CYP2C18: variants seen among roughly 807,000 people sequenced by gnomAD.
The protein encoded by CYP2C18 is cytochrome P450 family 2 subfamily C member 18.
Under a neutral mutation model 41.3 loss-of-function variants are expected in CYP2C18, and 38 were observed. The observed-to-expected ratio is 0.92, with a 90% confidence interval of 0.71 to 1.21. The LOEUF is 1.21. CYP2C18 is among the 50% of genes most tolerant of loss of function. CYP2C18 has a pLI of 0.00. For synonymous variants in CYP2C18, 236 were observed against 210.0 expected (o/e 1.12, Z -1.07); for missense variants, 635 against 591.4 (o/e 1.07, Z -0.77).
chr10:94,692,522 C>G (rs956040788), intron 3 of CYP2C18, among the ~76,000 whole-genome samples: 6 of 152,120 alleles, frequency 3.9e-5, no homozygotes, highest in Non-Finnish European at 8.8e-5. Context: ...CAGGAAGCAA[C>G]AGGTGCTGGA....
At chr10:94,696,750 G>T (rs1424388777) in intron 4 of CYP2C18, among the ~76,000 whole-genome samples, 1 of 152,074 alleles carries the variant, frequency 6.6e-6, no homozygotes, top group African/African-American at 2.4e-5. Context: ...TAGATGAATG[G>T]CTAACTAGAA....
In CYP2C18 at chr10:94,735,511, C is replaced by A; in HGVS notation, c.*67C>A. ...AATTCTCCCTTATCAGGGCCATTGG[C>A]CTCTCCCTTCTCTCTGTGAGGGATA... On this transcript the variant is annotated 3_prime_UTR_variant, in exon 9 of 9. Coordinates refer to ENST00000285979, the MANE Select transcript of CYP2C18 (RefSeq NM_000772.3). 1 of 1,473,212 alleles carries A rather than the reference C, an allele frequency of 6.8e-7. No homozygotes were observed. Among genetic ancestry groups the A allele is most frequent in the Non-Finnish European group, 9.5e-7 (1 of 1,056,288 alleles). 91.3% of individuals were successfully genotyped at this position (1,473,212 alleles called of 1,614,324 possible).
At position 94,683,994 on chromosome 10, in the gene CYP2C18, A is replaced by G. The variant is rs1846836209; in HGVS notation, c.168+7A>G. On this transcript the variant is annotated splice_region_variant and intron_variant, in intron 1 of 8. Transcript: ENST00000285979. The stretch of plus-strand genomic sequence containing the variant: ...GAGCAAATCCTTAACCAATGTAAGT[A>G]TGCTTTATGTTCCTCCAGTAATGTA... 5 of 1,592,126 alleles carry G rather than the reference A, an allele frequency of 3.1e-6. No individual in the cohort carries two copies. In the East Asian group the frequency reaches 1.1e-4, roughly 36 times the overall value.
At chr10:94,698,528 G>T (rs528200191) in intron 4 of CYP2C18, among the ~76,000 whole-genome samples, 1 of 152,184 alleles carries the variant, frequency 6.6e-6, no homozygotes, top group African/African-American at 2.4e-5. Context: ...AGAGAAAGCA[G>T]GAAAGATCTA....
chr10:94,694,886 A>G (rs766788343), intron 3 of CYP2C18, 31 bp from the exon 4 acceptor site: 1 of 1,599,744 alleles, frequency 6.3e-7, no homozygotes, highest in Non-Finnish European at 8.5e-7. Flanking sequence ...GTATATTTTA[A>G]TGGTAATTTA....
intron 3 of CYP2C18, among the ~76,000 whole-genome samples, chr10:94,688,533 T>C (rs113804575): frequency 1.3e-5 from 2 of 152,302 alleles, no homozygotes; most frequent in African/African-American, 2.4e-5. Context: ...TGCTATGTTC[T>C]CTAATGACAT....
At chr10:94,696,879 A>C (rs778116319) in intron 4 of CYP2C18, among the ~76,000 whole-genome samples, 3 of 152,194 alleles carry the variant, frequency 2.0e-5, no homozygotes, top group Non-Finnish European at 4.4e-5. Context: ...AAAGGGTATC[A>C]GTGGTGGAAG....
chr10:94,690,613 C>T (rs1846980859), intron 3 of CYP2C18, among the ~76,000 whole-genome samples: 1 of 151,968 alleles, frequency 6.6e-6, no homozygotes, highest in Admixed American at 6.6e-5. Flanking sequence ...CTACAAGGTA[C>T]CATTCCTTCT....
At chr10:94,710,795 C>T (rs1847422717) in intron 5 of CYP2C18, among the ~76,000 whole-genome samples, 1 of 152,160 alleles carries the variant, frequency 6.6e-6, no homozygotes, top group Non-Finnish European at 1.5e-5. Flanking sequence ...CTAGGTTTGT[C>T]TTACTGTGGT....
intron 3 of CYP2C18, among the ~76,000 whole-genome samples, chr10:94,693,456 T>C (rs923723429): frequency 6.6e-6 from 1 of 152,164 alleles, no homozygotes; most frequent in African/African-American, 2.4e-5. Flanking sequence ...ATAAATTACC[T>C]AGTCTCAGGT....
chr10:94,707,127 T>TATA (rs10669973), intron 5 of CYP2C18, among the ~76,000 whole-genome samples, 167 bp downstream of exon 5: 146,563 of 152,202 alleles, frequency 0.96, 70,781 homozygotes, highest in East Asian at 1. Context: ...GTTAAACAAT[T>TATA]ATATGTGAGC....
chr10:94,687,854 G>A lies in CYP2C18; in HGVS notation c.253G>A (p.Glu85Lys). 1 of 1,613,854 alleles carries A rather than the reference G, an allele frequency of 6.2e-7. No individual in the cohort carries two copies. The highest frequency in any genetic ancestry group is 8.5e-7 in the Non-Finnish European group (1 of 1,179,796). ...VVLHGYEAVKEALIDHGEEFS... is the reference protein window; with the variant it reads ...VVLHGYEAVKKALIDHGEEFS... ...GTTGCATGGATATGAAGCAGTGAAGGAGGCCCTGATTGATCATGGAGAGGA... is the reference window on the plus strand; with the variant it reads ...GTTGCATGGATATGAAGCAGTGAAGAAGGCCCTGATTGATCATGGAGAGGA... The change falls in exon 2 of 9, where the codon GAG (glutamate) becomes AAG (lysine). Residue 85 changes from glutamate to lysine, a missense_variant. By Grantham distance (56) the Glu-to-Lys change is moderately conservative. Transcript: ENST00000285979.
intron 5 of CYP2C18, among the ~76,000 whole-genome samples, chr10:94,710,891 G>A (rs577546630): frequency 1.3e-5 from 2 of 152,254 alleles, no homozygotes; most frequent in Non-Finnish European, 2.9e-5. Flanking sequence ...GGATTGAATA[G>A]GAAGAAATCT....
chr10:94,698,526 C>G (rs903010333), intron 4 of CYP2C18, among the ~76,000 whole-genome samples: 4 of 152,180 alleles, frequency 2.6e-5, no homozygotes, highest in East Asian at 3.9e-4. Context: ...CAAGAGAAAG[C>G]AGGAAAGATC....
chr10:94,733,740 AT>A, intron 8 of CYP2C18: 1 of 265,276 alleles, frequency 3.8e-6, no homozygotes, highest in Non-Finnish European at 5.8e-6. Context: ...GGTGAAACTT[AT>A]TTAGACATTT....
At chr10:94,732,296 G>T (rs1847847389) in intron 7 of CYP2C18, among the ~76,000 whole-genome samples, 1 of 151,978 alleles carries the variant, frequency 6.6e-6, no homozygotes, top group Admixed American at 6.6e-5. Context: ...AGTCAGAATG[G>T]CTATGATTAA....
At chr10:94,724,316 T>C (rs1847696195) in intron 6 of CYP2C18, 30 bp from the exon 7 acceptor site, 1 of 1,610,920 alleles carries the variant, frequency 6.2e-7, no homozygotes, top group African/African-American at 1.3e-5. Flanking sequence ...TTTCCTCCTT[T>C]TCCATCATTT....
intron 4 of CYP2C18, among the ~76,000 whole-genome samples, chr10:94,697,932 G>T (rs552715750): frequency 1.2e-4 from 18 of 152,186 alleles, no homozygotes; most frequent in African/African-American, 3.4e-4. Context: ...AAGAGCTAAC[G>T]ATCCTAAATA....
chr10:94,701,106 T>A (rs184654330), intron 4 of CYP2C18, among the ~76,000 whole-genome samples: 104 of 152,304 alleles, frequency 6.8e-4, no homozygotes, highest in Admixed American at 1.8e-3. Context: ...TGACCCAGCC[T>A]TCCCATTACT....
Sources: gnomAD v4.1 joint callset for allele counts (sites outside exome capture counted in the v4.1 genomes callset) on GRCh38, gnomAD v4.1.1 for gene constraint, MANE v1.5 for transcripts, NCBI Gene and HGNC (gene_info 2026-07-23, HGNC 2026-07-21) for gene names.